The following SORCS3 variants were observed in gnomAD, a reference collection of about 807,000 sequenced individuals.
SORCS3 encodes sortilin related VPS10 domain containing receptor 3.
Under a neutral mutation model 146.3 loss-of-function variants are expected in SORCS3, and 57 were observed. The ratio of observed to expected loss-of-function variants is 0.39; its 90% CI spans 0.31 to 0.49. The LOEUF (loss-of-function observed/expected upper bound fraction) is 0.49. SORCS3 is among the 20% of genes least tolerant of loss of function. The probability of loss-of-function intolerance (pLI) is 0.92; values close to 1 mark genes in which losing one functional copy is unlikely to be tolerated. For synonymous variants in SORCS3, 653 were observed against 618.5 expected, an observed-to-expected ratio of 1.06 and a Z score of -0.83; for missense variants, 1,341 against 1,575.5, an observed-to-expected ratio of 0.85 and a Z score of 2.52.
intron 1 of SORCS3, among the ~76,000 whole-genome samples, chr10:104,676,145 A>G (rs1041091891): frequency 1.3e-5 from 2 of 151,818 alleles, no homozygotes; most frequent in African/African-American, 4.9e-5. Flanking sequence ...TCATTATGTC[A>G]TCTGTGAACA....
chr10:104,767,767 C>CT (rs2017198634), intron 1 of SORCS3, among the ~76,000 whole-genome samples: 1 of 145,206 alleles, frequency 6.9e-6, no homozygotes, highest in Non-Finnish European at 1.5e-5. Flanking sequence ...TTCCCCTTCC[C>CT]TTTCCCCTTT....
intron 2 of SORCS3, among the ~76,000 whole-genome samples, chr10:104,900,929 A>G (rs2018845471): frequency 6.6e-6 from 1 of 151,576 alleles, no homozygotes; most frequent in Admixed American, 6.6e-5. Flanking sequence ...AGAACATTTT[A>G]TTATCTACCC....
At chr10:104,662,522 T>G (rs1038224967) in intron 1 of SORCS3, among the ~76,000 whole-genome samples, 1 of 152,192 alleles carries the variant, frequency 6.6e-6, no homozygotes, top group Non-Finnish European at 1.5e-5. Context: ...TGAGAGCTCC[T>G]TACTTGATGA....
At position 104,689,811 on chromosome 10, in the gene SORCS3, C is replaced by T. The variant is rs1222456955; in HGVS notation, c.627+47857C>T. On this transcript the variant is annotated intron_variant, in intron 1 of 26. Coordinates refer to ENST00000369701, the MANE Select transcript of SORCS3 (RefSeq NM_014978.3). ...CAGTGAGGCATGGAGAACAGAAACACCGAAGGCCTAGAGAAAAGGAATTCC... is the reference window on the plus strand; with the variant it reads ...CAGTGAGGCATGGAGAACAGAAACATCGAAGGCCTAGAGAAAAGGAATTCC... Among the ~76,000 whole-genome samples the T allele has an allele frequency of 3.9e-5, 6 of 152,120 alleles. No homozygotes were observed. In the East Asian group the frequency reaches 9.6e-4, roughly 24 times the overall value.
chr10:104,717,966 C>T (rs1295181841), intron 1 of SORCS3, among the ~76,000 whole-genome samples: 1 of 151,620 alleles, frequency 6.6e-6, no homozygotes, highest in Non-Finnish European at 1.5e-5. Context: ...CATGGTGAAA[C>T]CCCATCTCTA....
intron 1 of SORCS3, among the ~76,000 whole-genome samples, chr10:104,838,245 T>C (rs955817914): frequency 2.6e-5 from 4 of 152,106 alleles, no homozygotes; most frequent in Non-Finnish European, 5.9e-5. Context: ...CTGCCTGCCA[T>C]ATCCACCGAC....
chr10:104,686,963 A>G (rs1403337261), intron 1 of SORCS3, among the ~76,000 whole-genome samples: 1 of 151,686 alleles, frequency 6.6e-6, no homozygotes, highest in African/African-American at 2.4e-5. Flanking sequence ...CCATGCATTC[A>G]TCTTTCCATT....
At chr10:105,004,000 CT>C (rs1226455197) in intron 4 of SORCS3, among the ~76,000 whole-genome samples, 217 of 140,162 alleles carry the variant, frequency 1.5e-3, no homozygotes, top group East Asian at 2.2e-3. Context: ...TCTTCTCTCT[CT>C]TTTTTTTTTT....
At chr10:105,232,159 C>T (rs1238790210) in intron 20 of SORCS3, among the ~76,000 whole-genome samples, 1 of 152,012 alleles carries the variant, frequency 6.6e-6, no homozygotes, top group Non-Finnish European at 1.5e-5. Context: ...CCAGTAAAAC[C>T]ATCTGAGCCT....
intron 1 of SORCS3, among the ~76,000 whole-genome samples, chr10:104,800,518 CAA>C (rs2017612827): frequency 6.6e-6 from 1 of 152,076 alleles, no homozygotes; most frequent in Admixed American, 6.6e-5. Flanking sequence ...TTGATTGTCA[CAA>C]ATGTGCCACC....
Position 105,006,013 on chromosome 10 carries a change from C to T in SORCS3, c.954+28520C>T, listed in dbSNP as rs185559445. ...AGGCTTGAGTGCAGTGGCGCCATCT[C>T]GGCTCACAACTTCCGTCCCTTGGGT... On this transcript the variant is annotated intron_variant, in intron 4 of 26. Coordinates refer to ENST00000369701, the MANE Select transcript of SORCS3 (RefSeq NM_014978.3). Among the ~76,000 whole-genome samples the T allele has an allele frequency of 5.1e-4, 77 of 152,318 alleles. 1 individual carries two copies. Among genetic ancestry groups the T allele is most frequent in the African/African-American group, 1.5e-3 (63 of 41,574 alleles).
intron 4 of SORCS3, among the ~76,000 whole-genome samples, chr10:105,011,660 T>C (rs919531450): frequency 6.6e-6 from 1 of 152,214 alleles, no homozygotes; most frequent in African/African-American, 2.4e-5. Flanking sequence ...GCCTAGGGCC[T>C]ACTCTAGTGG....
intron 1 of SORCS3, among the ~76,000 whole-genome samples, chr10:104,723,958 G>A (rs1161870059): frequency 9.2e-5 from 14 of 152,112 alleles, no homozygotes; most frequent in Admixed American, 2.0e-4. Context: ...TTTAATTGGA[G>A]CATTTAGCCC....
At chr10:105,042,439 A>C (rs1037964962) in intron 4 of SORCS3, among the ~76,000 whole-genome samples, 3 of 152,132 alleles carry the variant, frequency 2.0e-5, no homozygotes, top group African/African-American at 7.2e-5. Flanking sequence ...TTACTTCTAG[A>C]CTTTCAGTTG....
chr10:104,918,751 C>A (rs1198667542), intron 3 of SORCS3, among the ~76,000 whole-genome samples: 1 of 152,162 alleles, frequency 6.6e-6, no homozygotes, highest in Non-Finnish European at 1.5e-5. Context: ...GAAGCAAGAA[C>A]TGGATATTTG....
At chr10:104,758,382 A>G (rs939452157) in intron 1 of SORCS3, among the ~76,000 whole-genome samples, 8 of 152,108 alleles carry the variant, frequency 5.3e-5, no homozygotes, top group African/African-American at 1.9e-4. Context: ...CTTTATGGCT[A>G]TAATCTCACT....
At chr10:104,986,413 T>G (rs553712064) in intron 4 of SORCS3, among the ~76,000 whole-genome samples, 1 of 152,346 alleles carries the variant, frequency 6.6e-6, no homozygotes, top group African/African-American at 2.4e-5. Flanking sequence ...CCACTAAAAC[T>G]TTCTTTATAT....
At chr10:104,655,192 G>T (rs890369772) in intron 1 of SORCS3, among the ~76,000 whole-genome samples, 5 of 150,782 alleles carry the variant, frequency 3.3e-5, no homozygotes, top group African/African-American at 1.2e-4. Context: ...GGCGGAGGTT[G>T]CAGTGAGCAG....
intron 17 of SORCS3, 77 bp from the exon 18 acceptor site, chr10:105,214,365 A>ACACAC (rs113804925): frequency 0.052 from 73,868 of 1,431,736 alleles, 1,014 homozygotes; most frequent in Non-Finnish European, 0.059. Context: ...TTCCCTTTAT[A>ACACAC]ACACACACAC....
Sources: allele counts gnomAD v4.1 joint callset (sites outside exome capture counted in the v4.1 genomes callset), GRCh38; gene constraint gnomAD v4.1.1; transcripts MANE v1.5; gene names NCBI Gene and HGNC (gene_info 2026-07-23, HGNC 2026-07-21).